NEK6: variants seen among roughly 807,000 people sequenced by gnomAD.
NEK6 encodes serine/threonine-protein kinase Nek6.
NEK6 carries 27 observed loss-of-function variants against 43.5 expected under a neutral mutation model. The observed-to-expected ratio is 0.62, with a 90% CI of 0.46 to 0.86. NEK6 has a LOEUF of 0.86. NEK6 is among the 40% of genes least tolerant of loss of function. The probability of loss-of-function intolerance (pLI) is 0.00; values close to 1 mark genes in which losing one functional copy is unlikely to be tolerated. For synonymous variants in NEK6, 167 were observed against 164.1 expected (o/e 1.02, Z -0.14); for missense variants, 318 against 414.4 (o/e 0.77, Z 2.02).
intron 1 of NEK6, chr9:124,292,613 C>T (rs1832477636): frequency 6.6e-7 from 1 of 1,514,428 alleles, no homozygotes; most frequent in East Asian, 2.5e-5. Flanking sequence ...CACTGTCAGT[C>T]AGCAGGGTAG....
At chr9:124,270,348 A>T (rs1264502364) in intron 1 of NEK6, among the ~76,000 whole-genome samples, 2 of 152,022 alleles carry the variant, frequency 1.3e-5, no homozygotes, top group Admixed American at 6.5e-5. Flanking sequence ...TTGGGAAGGG[A>T]TGGTCTTAGA....
chr9:124,328,551 C>T (rs1696712629), intron 7 of NEK6, among the ~76,000 whole-genome samples: 1 of 152,206 alleles, frequency 6.6e-6, no homozygotes, highest in Non-Finnish European at 1.5e-5. Context: ...CGCCCCATTC[C>T]AGCTCATTTC....
intron 2 of NEK6, 82 bp from the exon 3 acceptor site, chr9:124,312,416 AGGGTGCTGTTG>A: frequency 7.2e-7 from 1 of 1,387,512 alleles, no homozygotes; most frequent in African/African-American, 1.4e-5. Context: ...TTCACCTTAG[AGGGTGCTGTTG>A]GGGTGCTGGG....
At chr9:124,314,664 T>C (rs1833728337) in intron 4 of NEK6, among the ~76,000 whole-genome samples, 1 of 151,914 alleles carries the variant, frequency 6.6e-6, no homozygotes, top group Non-Finnish European at 1.5e-5. Flanking sequence ...TTTTTATTTT[T>C]TATTTCTTTT....
chr9:124,270,072 C>G (rs181172859), intron 1 of NEK6, among the ~76,000 whole-genome samples: 4 of 152,102 alleles, frequency 2.6e-5, no homozygotes, highest in Non-Finnish European at 4.4e-5. Flanking sequence ...CTTCCACGCC[C>G]CCCCCCCATG....
intron 2 of NEK6, among the ~76,000 whole-genome samples, chr9:124,308,612 C>T (rs1487999274): frequency 1.3e-5 from 2 of 151,202 alleles, no homozygotes; most frequent in Admixed American, 1.3e-4. Context: ...GCCGAGATCG[C>T]GCCACAGCGC....
intron 7 of NEK6, among the ~76,000 whole-genome samples, chr9:124,332,640 C>G (rs958998808): frequency 6.6e-6 from 1 of 152,214 alleles, no homozygotes; most frequent in Non-Finnish European, 1.5e-5. Context: ...CTTGCAGACA[C>G]CAGCCTCCCC....
chr9:124,324,115 C>T lies in NEK6; in HGVS notation c.406-2215C>T, dbSNP rs569487316. On this transcript the variant is annotated intron_variant, in intron 5 of 9. Coordinates refer to ENST00000320246, the MANE Select transcript of NEK6 (RefSeq NM_014397.6). This position sits in a 1 kb window ranked among gnomAD's most constrained non-coding sequence, Gnocchi z 5.3. ...ACCTGCAGAGCTGGCTCGGTGCAGC[C>T]GCCAGCAGGGGAGGCCTGGCAGTGC... 3.3e-5 allele frequency among the ~76,000 whole-genome samples: 5 copies of T among 152,338 alleles called. No individual in the cohort carries two copies. The highest frequency in any genetic ancestry group is 2.1e-4 in the South Asian group (1 of 4,824).
chr9:124,294,543 G>A (rs1191987012), intron 1 of NEK6, among the ~76,000 whole-genome samples: 1 of 152,086 alleles, frequency 6.6e-6, no homozygotes, highest in Non-Finnish European at 1.5e-5. Flanking sequence ...ATCTGGTCCT[G>A]GCAGACAAGT....
At chr9:124,345,788 G>A (rs556427821) in intron 8 of NEK6, among the ~76,000 whole-genome samples, 12 of 152,298 alleles carry the variant, frequency 7.9e-5, no homozygotes, top group Admixed American at 2.0e-4. Context: ...CCAGGTGACC[G>A]TCCTGGAGTC....
chr9:124,312,425 T>A, intron 2 of NEK6, 84 bp from the exon 3 acceptor site: 1 of 1,441,214 alleles, frequency 6.9e-7, no homozygotes, highest in Non-Finnish European at 9.3e-7. Context: ...GAGGGTGCTG[T>A]TGGGGTGCTG....
At chr9:124,289,941 G>A (rs890936352) in intron 1 of NEK6, among the ~76,000 whole-genome samples, 4 of 152,188 alleles carry the variant, frequency 2.6e-5, no homozygotes, top group African/African-American at 7.2e-5. Flanking sequence ...ACAGCTCAGA[G>A]CACAAGCCAC....
chr9:124,338,300 T>G (rs1829392400), intron 7 of NEK6, among the ~76,000 whole-genome samples: 1 of 152,224 alleles, frequency 6.6e-6, no homozygotes, highest in Admixed American at 6.5e-5. Context: ...AATTTGCCCT[T>G]CCCTGATGAG....
At chr9:124,272,111 G>C (rs550556934) in intron 1 of NEK6, among the ~76,000 whole-genome samples, 1 of 152,336 alleles carries the variant, frequency 6.6e-6, no homozygotes, top group South Asian at 2.1e-4. Context: ...TCCACGCCAG[G>C]CCCAGAAGAG....
At chr9:124,281,737 G>T (rs190607068) in intron 1 of NEK6, among the ~76,000 whole-genome samples, 254 of 152,242 alleles carry the variant, frequency 1.7e-3, no homozygotes, top group African/African-American at 5.5e-3. Flanking sequence ...GACCTCAGGT[G>T]ATCTGCCTAC....
chr9:124,285,787 G>A (rs769137524), intron 1 of NEK6, among the ~76,000 whole-genome samples: 1 of 152,046 alleles, frequency 6.6e-6, no homozygotes, highest in South Asian at 2.1e-4. Flanking sequence ...ACACAACCGG[G>A]GTTCAGATCC....
At chr9:124,342,515 C>T (rs1017992971) in intron 8 of NEK6, among the ~76,000 whole-genome samples, 3 of 152,236 alleles carry the variant, frequency 2.0e-5, no homozygotes, top group African/African-American at 7.2e-5. Context: ...AGGAATGAGG[C>T]CCTAGGGGTG....
intron 7 of NEK6, among the ~76,000 whole-genome samples, chr9:124,334,018 C>T (rs1829163236): frequency 6.6e-6 from 1 of 152,138 alleles, no homozygotes; most frequent in South Asian, 2.1e-4. Context: ...ACCTCGTGAT[C>T]CACCCGCCTT....
At chr9:124,276,023 C>T (rs1831635675) in intron 1 of NEK6, among the ~76,000 whole-genome samples, 1 of 152,106 alleles carries the variant, frequency 6.6e-6, no homozygotes, top group African/African-American at 2.4e-5. Context: ...AGGGGAGTGG[C>T]CCCCCTGAAG....
Sources: gnomAD v4.1 joint callset for allele counts (sites outside exome capture counted in the v4.1 genomes callset) on GRCh38, gnomAD v4.1.1 for gene constraint, Gnocchi (gnomAD v3.1) non-coding constraint, MANE v1.5 for transcripts, NCBI Gene and HGNC (gene_info 2026-07-23, HGNC 2026-07-21) for gene names.